SIPA1L1: variants seen among roughly 807,000 people sequenced by gnomAD.
SIPA1L1 encodes the protein signal-induced proliferation-associated 1-like protein 1.
In SIPA1L1, 26 loss-of-function variants were observed where a neutral mutation model predicts 162.7. The observed-to-expected ratio is 0.16, with a 90% confidence interval of 0.12 to 0.22. The LOEUF (loss-of-function observed/expected upper bound fraction) is 0.22. SIPA1L1 is among the 10% of genes least tolerant of loss of function. The probability of loss-of-function intolerance (pLI) is 1.00; values close to 1 mark genes in which losing one functional copy is unlikely to be tolerated. For synonymous variants in SIPA1L1, 829 were observed against 837.4 expected, an observed-to-expected ratio of 0.99 and a Z score of 0.17; for missense variants, 1,874 against 2,241.0, an observed-to-expected ratio of 0.84 and a Z score of 3.31.
At chr14:71,364,801 A>G (rs544404358) in intron 2 of SIPA1L1, among the ~76,000 whole-genome samples, 6 of 151,646 alleles carry the variant, frequency 4.0e-5, no homozygotes, top group Admixed American at 3.9e-4. Context: ...GCTGGAGTGC[A>G]GTAGTGCGAT....
chr14:71,454,846 C>G (rs772467713), intron 2 of SIPA1L1, among the ~76,000 whole-genome samples: 1 of 152,166 alleles, frequency 6.6e-6, no homozygotes, highest in Non-Finnish European at 1.5e-5. Flanking sequence ...CTCTGTCTAC[C>G]CGGTGTCACT....
chr14:71,707,291 A>G (rs2149948556), intron 16 of SIPA1L1, among the ~76,000 whole-genome samples: 1 of 152,336 alleles, frequency 6.6e-6, no homozygotes, highest in South Asian at 2.1e-4. Flanking sequence ...CTTTCTAAGC[A>G]TCTAAGCCAG....
intron 2 of SIPA1L1, among the ~76,000 whole-genome samples, chr14:71,386,196 A>G (rs1483896138): frequency 6.6e-6 from 1 of 152,208 alleles, no homozygotes; most frequent in Non-Finnish European, 1.5e-5. Context: ...AGGTCCCACA[A>G]TAGACCGTCT....
rs2085650213 is a variant in SIPA1L1 at position 71,740,133 on chromosome 14, T to C, written c.*972T>C. On this transcript the variant is annotated 3_prime_UTR_variant, in exon 24 of 24. Transcript: ENST00000381232. ...CCATATCTCTAAATTAATCTTTCTC[T>C]CCAGAGCAAGACTTCACCAGTATTT... 2 of 152,236 alleles carry C rather than the reference T, an allele frequency of 1.3e-5. No individual in the cohort carries two copies. The highest frequency in any genetic ancestry group is 4.8e-5 in the African/African-American group (2 of 41,456). The allele number at this position is 152,236 out of a possible 1,614,324, so 9.4% of individuals were successfully genotyped here.
At chr14:71,673,578 A>G (rs2149394035) in intron 12 of SIPA1L1, among the ~76,000 whole-genome samples, 1 of 152,304 alleles carries the variant, frequency 6.6e-6, no homozygotes, top group South Asian at 2.1e-4. Context: ...AGTAAAGAGC[A>G]GCAAATATAT....
chr14:71,462,074 C>T (rs1225237149), intron 2 of SIPA1L1, among the ~76,000 whole-genome samples: 1 of 152,178 alleles, frequency 6.6e-6, no homozygotes, highest in Admixed American at 6.5e-5. Context: ...GTGCATGACC[C>T]ACTTTATAGC....
At position 71,383,074 on chromosome 14, in the gene SIPA1L1, T is replaced by C. The variant is rs1433812710; in HGVS notation, c.-465+61893T>C. ...TTCAGATTGAGGCATGTGTTGAGGA[T>C]AACAACTTCAGATTGCTACATTGTC... On this transcript the variant is annotated intron_variant, in intron 2 of 23. Transcript: ENST00000381232. Among the ~76,000 whole-genome samples, 3 of 152,324 alleles carry C rather than the reference T, an allele frequency of 2.0e-5. No individual in the cohort carries two copies. In the East Asian group the frequency reaches 5.8e-4, roughly 29 times the overall value.
intron 2 of SIPA1L1, among the ~76,000 whole-genome samples, chr14:71,431,272 A>G (rs533904946): frequency 7.2e-5 from 11 of 152,286 alleles, no homozygotes; most frequent in African/African-American, 2.6e-4. Flanking sequence ...TATTCTTGCA[A>G]CTTTCCCCTA....
At chr14:71,531,604 G>T (rs549715802) in intron 4 of SIPA1L1, among the ~76,000 whole-genome samples, 91 of 152,140 alleles carry the variant, frequency 6.0e-4, no homozygotes, top group African/African-American at 2.0e-3. Context: ...TCACTCTGTT[G>T]CCCAGGCGGG....
chr14:71,414,641 T>A (rs1354165110), intron 2 of SIPA1L1, among the ~76,000 whole-genome samples: 1 of 152,254 alleles, frequency 6.6e-6, no homozygotes, highest in Non-Finnish European at 1.5e-5. Flanking sequence ...CCCTCCATAG[T>A]GAATGCATTT....
chr14:71,608,637 C>T (rs932586769), intron 5 of SIPA1L1, among the ~76,000 whole-genome samples: 1 of 152,138 alleles, frequency 6.6e-6, no homozygotes, highest in South Asian at 2.1e-4. Context: ...TGGCTCATGT[C>T]TGTAGTCCCA....
intron 4 of SIPA1L1, among the ~76,000 whole-genome samples, chr14:71,556,456 A>G (rs1219689796): frequency 1.1e-4 from 17 of 152,206 alleles, no homozygotes; most frequent in Admixed American, 1.1e-3. Context: ...TGCCCCTTAC[A>G]TCTTTGGACA....
chr14:71,409,737 G>C (rs1003220909), intron 2 of SIPA1L1, among the ~76,000 whole-genome samples: 4 of 152,184 alleles, frequency 2.6e-5, no homozygotes, highest in African/African-American at 9.7e-5. Flanking sequence ...CTCTGGGAGT[G>C]ATAGGCCATC....
intron 2 of SIPA1L1, among the ~76,000 whole-genome samples, chr14:71,450,605 A>G (rs1041426036): frequency 2.0e-5 from 3 of 152,238 alleles, no homozygotes; most frequent in African/African-American, 2.4e-5. Flanking sequence ...AAAATATTTG[A>G]GAAATTATCA....
intron 6 of SIPA1L1, among the ~76,000 whole-genome samples, chr14:71,620,136 C>T (rs949854788): frequency 2.6e-5 from 4 of 152,242 alleles, no homozygotes; most frequent in African/African-American, 7.2e-5. Context: ...ATGGCGCGAT[C>T]TTGGCTCACC....
chr14:71,465,813 G>A (rs1027171651), intron 2 of SIPA1L1, among the ~76,000 whole-genome samples: 16 of 152,148 alleles, frequency 1.1e-4, no homozygotes, highest in Non-Finnish European at 2.2e-4. Flanking sequence ...TGAGGAGCAA[G>A]GAGAGCCAGT....
intron 2 of SIPA1L1, among the ~76,000 whole-genome samples, chr14:71,507,243 G>A (rs575940336): frequency 2.3e-4 from 35 of 152,266 alleles, no homozygotes; most frequent in African/African-American, 8.4e-4. Context: ...CTCATAGAGT[G>A]CAGCAGTTGG....
At chr14:71,545,067 T>C (rs10143346) in intron 4 of SIPA1L1, among the ~76,000 whole-genome samples, 91,210 of 151,794 alleles carry the variant, frequency 0.6, 27,980 homozygotes, top group East Asian at 0.77. Flanking sequence ...ACTATGTTGC[T>C]CAGGCTGGTC....
chr14:71,626,552 A>G (rs2040005537), intron 7 of SIPA1L1, among the ~76,000 whole-genome samples: 1 of 152,222 alleles, frequency 6.6e-6, no homozygotes, highest in Non-Finnish European at 1.5e-5. Context: ...TGGTGCCTTT[A>G]CAAATACAGA....
Sources: allele counts gnomAD v4.1 joint callset (sites outside exome capture counted in the v4.1 genomes callset), GRCh38; gene constraint gnomAD v4.1.1; transcripts MANE v1.5; gene names NCBI Gene and HGNC (gene_info 2026-07-23, HGNC 2026-07-21).